The following ANKS1B variants were observed in gnomAD, a reference collection of about 807,000 sequenced individuals.
ANKS1B encodes the protein ankyrin repeat and sterile alpha motif domain containing 1B, also known as ankyrin repeat and sterile alpha motif domain-containing protein 1B.
In ANKS1B, 36 loss-of-function variants were observed where a neutral mutation model predicts 148.3. The ratio of observed to expected loss-of-function variants is 0.24; its 90% CI spans 0.19 to 0.32. The LOEUF is 0.32. Ranked by LOEUF, ANKS1B falls within the 10% of genes least tolerant of loss-of-function variation. The probability of loss-of-function intolerance (pLI) is 1.00; values close to 1 mark genes in which losing one functional copy is unlikely to be tolerated. For missense variants in ANKS1B, 1,157 were observed against 1,542.6 expected (o/e 0.75, Z 4.19); for synonymous variants, 542 against 560.8 (o/e 0.97, Z 0.47).
chr12:99,443,203 C>A (rs12298739), intron 11 of ANKS1B, among the ~76,000 whole-genome samples: 2,490 of 151,826 alleles, frequency 0.016, 72 homozygotes, highest in African/African-American at 0.057. Context: ...AAACAAGGAG[C>A]AATATTAAAC....
chr12:99,175,702 G>A (rs888849220), intron 14 of ANKS1B, among the ~76,000 whole-genome samples: 7 of 152,112 alleles, frequency 4.6e-5, no homozygotes, highest in Admixed American at 2.6e-4. Flanking sequence ...TAGCTAATCC[G>A]CATAGTACCA....
intron 16 of ANKS1B, among the ~76,000 whole-genome samples, chr12:99,073,194 G>A (rs955014805): frequency 6.6e-6 from 1 of 152,166 alleles, no homozygotes; most frequent in African/African-American, 2.4e-5. Context: ...TTCTAAAGGT[G>A]AGGAACCAGG....
chr12:98,856,421 T>C (rs1595608966), intron 17 of ANKS1B, among the ~76,000 whole-genome samples: 1 of 152,234 alleles, frequency 6.6e-6, no homozygotes, highest in Non-Finnish European at 1.5e-5. Flanking sequence ...AAAGAATTCA[T>C]CTTTCTCAGC....
At chr12:99,824,195 C>T (rs2082865094) in intron 2 of ANKS1B, among the ~76,000 whole-genome samples, 1 of 152,022 alleles carries the variant, frequency 6.6e-6, no homozygotes, top group Admixed American at 6.6e-5. Context: ...ACTTTTAAAG[C>T]AGTAATTACC....
intron 8 of ANKS1B, among the ~76,000 whole-genome samples, chr12:99,661,918 T>G (rs1486889269): frequency 6.6e-6 from 1 of 152,126 alleles, no homozygotes; most frequent in Non-Finnish European, 1.5e-5. Flanking sequence ...TCCTGCTGAT[T>G]GAATGCTAAT....
intron 25 of ANKS1B, among the ~76,000 whole-genome samples, chr12:98,770,061 C>A (rs536026479): frequency 5.5e-4 from 84 of 152,306 alleles, no homozygotes; most frequent in African/African-American, 1.9e-3. Context: ...TAACTGACGT[C>A]AGCAGGCAGG....
At chr12:99,185,493 A>C (rs2079702465) in intron 14 of ANKS1B, among the ~76,000 whole-genome samples, 2 of 152,350 alleles carry the variant, frequency 1.3e-5, no homozygotes, top group East Asian at 3.9e-4. Flanking sequence ...TGCAGCTCCC[A>C]GTAAGATCAA....
intron 6 of ANKS1B, among the ~76,000 whole-genome samples, chr12:99,779,207 C>T (rs1035156348): frequency 6.6e-6 from 1 of 152,192 alleles, no homozygotes; most frequent in African/African-American, 2.4e-5. Context: ...TTCAATAGAG[C>T]TAATGACTGC....
Position 99,103,904 on chromosome 12 carries a change from T to C in ANKS1B, c.2527-18881A>G, listed in dbSNP as rs76636668. Among the ~76,000 whole-genome samples the C allele has an allele frequency of 0.01, 1,559 of 152,286 alleles. 146 individuals carry two copies. In the East Asian group the frequency reaches 0.22, roughly 22 times the overall value. ...AAGTATACCAATTTAATCTAATACT[T>C]ACTATATACTTGCTAGCAATTAGAG... is the stretch of plus-strand genomic sequence containing the variant. On this transcript the variant is annotated intron_variant, in intron 15 of 26. Transcript: ENST00000683438.
chr12:99,821,291 A>C (rs886271685), intron 2 of ANKS1B, among the ~76,000 whole-genome samples: 1 of 152,026 alleles, frequency 6.6e-6, no homozygotes, highest in Non-Finnish European at 1.5e-5. Context: ...ATAGGATGAC[A>C]CTGAAAATTA....
chr12:99,172,062 C>A lies in ANKS1B; in HGVS notation c.2420-17667G>T, dbSNP rs1049937068. Among the ~76,000 whole-genome samples, 6 of 152,136 alleles carry A rather than the reference C, an allele frequency of 3.9e-5. No individual in the cohort carries two copies. The South Asian group carries it at 1.0e-3, about 26-fold the overall frequency. ...TATAGAGGAGACCATCTAATCTGTG[C>A]CTTGAAGACGTAGTAGGAATTTTTG... is the stretch of plus-strand genomic sequence containing the variant. On this transcript the variant is annotated intron_variant, in intron 14 of 26. Coordinates refer to ENST00000683438, the MANE Select transcript of ANKS1B (RefSeq NM_001352186.2).
At chr12:99,918,685 TTA>T (rs1301002348) in intron 1 of ANKS1B, among the ~76,000 whole-genome samples, 6 of 152,188 alleles carry the variant, frequency 3.9e-5, no homozygotes, top group African/African-American at 1.4e-4. Flanking sequence ...CTATATTATT[TTA>T]TGTTTCTAAG....
intron 15 of ANKS1B, among the ~76,000 whole-genome samples, chr12:99,146,429 C>A (rs934468474): frequency 6.6e-6 from 1 of 152,104 alleles, no homozygotes; most frequent in Non-Finnish European, 1.5e-5. Context: ...GATTCATGAA[C>A]AATGATACGC....
intron 17 of ANKS1B, among the ~76,000 whole-genome samples, chr12:98,851,057 C>A (rs1251398612): frequency 6.6e-6 from 1 of 152,216 alleles, no homozygotes; most frequent in African/African-American, 2.4e-5. Flanking sequence ...TTCCTACTGG[C>A]AGCTTCTATT....
At chr12:99,510,491 G>A (rs1241874340) in intron 9 of ANKS1B, among the ~76,000 whole-genome samples, 1 of 151,976 alleles carries the variant, frequency 6.6e-6, no homozygotes, top group African/African-American at 2.4e-5. Flanking sequence ...AACTGCAGAT[G>A]TGACGGATAA....
chr12:99,076,045 A>G (rs2047762115), intron 16 of ANKS1B, among the ~76,000 whole-genome samples: 1 of 152,038 alleles, frequency 6.6e-6, no homozygotes, highest in African/African-American at 2.4e-5. Flanking sequence ...CTTCATCTAT[A>G]TTACTCATTA....
chr12:99,061,784 A>C (rs140573638), intron 16 of ANKS1B, among the ~76,000 whole-genome samples: 21 of 152,252 alleles, frequency 1.4e-4, no homozygotes, highest in Admixed American at 2.6e-4. Flanking sequence ...TTGACATTAC[A>C]TTGTATTATC....
chr12:99,086,176 T>G (rs563162021), intron 15 of ANKS1B, among the ~76,000 whole-genome samples: 3 of 152,124 alleles, frequency 2.0e-5, no homozygotes, highest in African/African-American at 7.2e-5. Flanking sequence ...GACTGTGCTA[T>G]GATGGTGACA....
At chr12:99,547,126 G>A (rs551807762) in intron 9 of ANKS1B, among the ~76,000 whole-genome samples, 1 of 151,974 alleles carries the variant, frequency 6.6e-6, no homozygotes, top group Non-Finnish European at 1.5e-5. Flanking sequence ...TTGGGTTTTG[G>A]AGTCAGACCA....
Sources: gnomAD v4.1 joint callset for allele counts (sites outside exome capture counted in the v4.1 genomes callset) on GRCh38, gnomAD v4.1.1 for gene constraint, MANE v1.5 for transcripts, NCBI Gene and HGNC (gene_info 2026-07-23, HGNC 2026-07-21) for gene names.